The following SETD1B variants were observed in gnomAD, a reference collection of about 807,000 sequenced individuals.
SETD1B encodes the protein histone-lysine N-methyltransferase SETD1B.
SETD1B carries 7 observed loss-of-function variants against 148.0 expected under a neutral mutation model. That is an observed-to-expected ratio of 0.05 (90% CI 0.03 to 0.09). SETD1B has a LOEUF of 0.09. Among genes scored for constraint, SETD1B ranks in the 10% least tolerant of loss-of-function variants. SETD1B has a pLI of 1.00. For missense variants in SETD1B, 2,155 were observed against 2,729.9 expected, an observed-to-expected ratio of 0.79 and a Z score of 4.69; for synonymous variants, 1,361 against 1,186.5, an observed-to-expected ratio of 1.15 and a Z score of -3.02.
Position 121,810,608 on chromosome 12 carries a change from C to G in SETD1B, c.1663C>G (p.Arg555Gly). 6.5e-7 allele frequency: 1 copy of G among 1,548,352 alleles called. No homozygotes were observed. Among genetic ancestry groups the G allele is most frequent in the South Asian group, 1.2e-5 (1 of 84,006 alleles). Residue 555 changes from arginine to glycine, a missense_variant, in exon 6 of 17, where the codon CGG (arginine) becomes GGG (glycine). Transcript: ENST00000604567. This position sits in a 1 kb window ranked among gnomAD's most constrained non-coding sequence, Gnocchi z 7.6. Reference sequence around the variant, plus strand: ...TGGCACCAACTCCCAGCCAGGCTTCCGGGGCCCCACGCCCCCCTCGTCACG... The same window carrying G: ...TGGCACCAACTCCCAGCCAGGCTTCGGGGGCCCCACGCCCCCCTCGTCACG... ...PFGTNSQPGF[R>G]GPTPPSSRPS...
At position 121,831,935 on chromosome 12, in the gene SETD1B, G is replaced by A. The variant is rs1877116481; in HGVS notation, c.*1696G>A. On this transcript the variant is annotated 3_prime_UTR_variant, in exon 17 of 17. Coordinates refer to ENST00000604567, the MANE Select transcript of SETD1B (RefSeq NM_001353345.2). The stretch of plus-strand genomic sequence containing the variant: ...CCTTTCCCCCAGGCCCTCTCTATTT[G>A]AGACTGTGCCCGCCGGTTTCAAGAT... The A allele has an allele frequency of 6.6e-6, 1 of 151,226 alleles. No homozygotes were observed. Among genetic ancestry groups the A allele is most frequent in the South Asian group, 2.1e-4 (1 of 4,780 alleles). 9.4% of individuals were successfully genotyped at this position (151,226 alleles called of 1,614,324 possible).
chr12:121,813,017 C>T (rs1452489401), intron 6 of SETD1B, among the ~76,000 whole-genome samples: 1 of 152,116 alleles, frequency 6.6e-6, no homozygotes, highest in Non-Finnish European at 1.5e-5. Flanking sequence ...CCCTAAAGCC[C>T]CACGCCCATC....
intron 6 of SETD1B, among the ~76,000 whole-genome samples, chr12:121,812,585 A>T (rs2019562): frequency 0.75 from 113,097 of 151,796 alleles, 43,343 homozygotes; most frequent in East Asian, 0.95. Flanking sequence ...GGAGCGCAGG[A>T]TCTGCCTCCC....
the SETD1B span, chr12:121,793,611 G>C: frequency 1.3e-6 from 2 of 1,549,124 alleles, no homozygotes; most frequent in Non-Finnish European, 1.7e-6. Context: ...GGCGGTCTGG[G>C]CCAGGGCCCC....
chr12:121,793,749 A>T, the SETD1B span: 1 of 964,550 alleles, frequency 1.0e-6, no homozygotes, highest in South Asian at 2.1e-5. Flanking sequence ...CGCCTCCGCC[A>T]GGCAGCCTCC....
At position 121,805,000 on chromosome 12, in the gene SETD1B, C is replaced by G; in HGVS notation, c.174+89C>G. 1.4e-6 allele frequency: 2 copies of G among 1,457,900 alleles called. No individual in the cohort carries two copies. The highest frequency in any genetic ancestry group is 1.8e-6 in the Non-Finnish European group (2 of 1,085,518). 90.3% of individuals were successfully genotyped at this position (1,457,900 alleles called of 1,614,324 possible). ...GCCAGGGACCCCCCGCCCGATCCCC[C>G]GGCCAACTGTCAGACGGGGCCCCAG... On this transcript the variant is annotated intron_variant, in intron 2 of 16. Coordinates refer to ENST00000604567, the MANE Select transcript of SETD1B (RefSeq NM_001353345.2). This position sits in a 1 kb window ranked among gnomAD's most constrained non-coding sequence, Gnocchi z 4.6.
At chr12:121,793,560 AC>A in the SETD1B span, 1 of 1,551,160 alleles carries the variant, frequency 6.4e-7, no homozygotes, top group Non-Finnish European at 8.7e-7. Flanking sequence ...GCCGTCGCCC[AC>A]GATCACGATC....
chr12:121,829,609 T>A (rs1876998559), intron 16 of SETD1B, among the ~76,000 whole-genome samples: 1 of 152,240 alleles, frequency 6.6e-6, no homozygotes, highest in African/African-American at 2.4e-5. Context: ...TGTTTTTGGC[T>A]TGGTGGCTCA....
chr12:121,825,131 C>T (rs1038098268), intron 12 of SETD1B, 69 bp from the exon 13 acceptor site: 28 of 1,464,614 alleles, frequency 1.9e-5, no homozygotes, highest in African/African-American at 4.2e-5. Context: ...TGAGGATGGG[C>T]GGGACCAGTC....
rs868095435 is a variant in SETD1B, at chr12:121,817,375, G to A, written c.2983G>A (p.Glu995Lys). Reference sequence around the variant, plus strand: ...GACTCCCTCCCTTCCTGCAGAGTCCGAGCGAGAGCGAGACCGGGATATGGC... The same window carrying A: ...GACTCCCTCCCTTCCTGCAGAGTCCAAGCGAGAGCGAGACCGGGATATGGC... Reference protein sequence around the residue: ...TSVDEEDEESERERDRDMADT... With the variant: ...TSVDEEDEESKRERDRDMADT... The change falls in exon 9 of 17, where the codon GAG becomes AAG. Residue 995 changes from glutamate (E) to lysine (K), a missense_variant. By Grantham distance (56) the Glu-to-Lys change is moderately conservative. Around this residue, in one of 11 missense-constraint regions of SETD1B, gnomAD observed 289 missense variants for 423.7 expected, o/e 0.68. Coordinates refer to ENST00000604567, the MANE Select transcript of SETD1B (RefSeq NM_001353345.2). This position sits in a 1 kb window ranked among gnomAD's most constrained non-coding sequence, Gnocchi z 8.1. The A allele has an allele frequency of 1.7e-5, 26 of 1,525,188 alleles. No homozygotes were observed. The highest frequency in any genetic ancestry group is 3.4e-4 in the Middle Eastern group (2 of 5,892). 94.5% of individuals were successfully genotyped at this position (1,525,188 alleles called of 1,614,324 possible).
rs1417703543 is a variant in SETD1B at position 121,804,028 on chromosome 12, T to A, written c.-220T>A. 2.6e-5 allele frequency: 4 copies of A among 152,280 alleles called. No homozygotes were observed. Among genetic ancestry groups the A allele is most frequent in the Non-Finnish European group, 5.9e-5 (4 of 68,056 alleles). The allele number at this position is 152,280 out of a possible 1,614,324, so 9.4% of individuals were successfully genotyped here. The stretch of plus-strand genomic sequence containing the variant: ...AGCGGTGTATTGTGGGATGTGCGGC[T>A]ACTGGGAGCCGAGCCTCCGCCGCCA... On this transcript the variant is annotated 5_prime_UTR_variant, in exon 1 of 17. Transcript: ENST00000604567. The surrounding 1 kb of genome is among the most constrained non-coding windows in gnomAD (Gnocchi z 4.6).
chr12:121,798,953 C>G, the SETD1B span, among the ~76,000 whole-genome samples: 1 of 152,320 alleles, frequency 6.6e-6, no homozygotes, highest in East Asian at 1.9e-4. Context: ...TGCGTCAAAA[C>G]CCCAGGTGTT....
At chr12:121,793,428 G>A in the SETD1B span, 6 of 1,523,126 alleles carry the variant, frequency 3.9e-6, no homozygotes, top group Admixed American at 9.8e-5. Flanking sequence ...GGGGACTGAG[G>A]GTCGGGGCTC....
intron 16 of SETD1B, among the ~76,000 whole-genome samples, chr12:121,829,534 C>T (rs1876996140): frequency 6.6e-6 from 1 of 152,188 alleles, no homozygotes; most frequent in African/African-American, 2.4e-5. Flanking sequence ...CACTGGCAGA[C>T]AGCAGGTAGT....
chr12:121,806,367 C>A (rs567745915), intron 4 of SETD1B, among the ~76,000 whole-genome samples: 24 of 152,314 alleles, frequency 1.6e-4, no homozygotes, highest in African/African-American at 5.5e-4. Context: ...TTCCCCACCG[C>A]TGACACCCCC....
rs1026874659 is a variant in SETD1B at position 121,832,089 on chromosome 12, G to T, written c.*1850G>T. On this transcript the variant is annotated 3_prime_UTR_variant, in exon 17 of 17. Transcript: ENST00000604567. ...ATTTATTTTTCACATGAGGAAATGC[G>T]TAGCTTGTAGAGACGGCTGATTCAA... The T allele has an allele frequency of 6.6e-6, 1 of 152,130 alleles. No homozygotes were observed. Among genetic ancestry groups the T allele is most frequent in the African/African-American group, 2.4e-5 (1 of 41,408 alleles). 9.4% of individuals were successfully genotyped at this position (152,130 alleles called of 1,614,324 possible). A position where few individuals can be genotyped will look rare whatever the true frequency, so the allele number is the denominator to read the frequency against.
rs1875651672 is a variant in SETD1B, at chr12:121,804,950, C to T, written c.174+39C>T. 6.8e-7 allele frequency: 1 copy of T among 1,477,382 alleles called. No individual in the cohort carries two copies. The highest frequency in any genetic ancestry group is 9.0e-7 in the Non-Finnish European group (1 of 1,110,122). 91.5% of individuals were successfully genotyped at this position (1,477,382 alleles called of 1,614,324 possible). A position where few individuals can be genotyped will look rare whatever the true frequency, so the allele number is the denominator to read the frequency against. On this transcript the variant is annotated intron_variant, in intron 2 of 16. Transcript: ENST00000604567. This position sits in a 1 kb window ranked among gnomAD's most constrained non-coding sequence, Gnocchi z 4.6. ...GCGCCCCCCCAGCCGTGCCCCGCGT[C>T]GTGTCCGGGGAGACGCGCCTAGCGG...
Position 121,823,366 on chromosome 12 carries a change from C to G in SETD1B, c.4787C>G (p.Pro1596Arg). ...CCCCAGCCACCCCCACCCCCACCTCCCCCACCTGTAGAGCCCACCAAGCTG... is the reference window on the plus strand; with the variant it reads ...CCCCAGCCACCCCCACCCCCACCTCGCCCACCTGTAGAGCCCACCAAGCTG... ...LPPQPPPPPPPPPVEPTKLPF... is the reference protein window; with the variant it reads ...LPPQPPPPPPRPPVEPTKLPF... Residue 1596 changes from proline (P) to arginine (R), a missense_variant, in exon 12 of 17, where the codon CCC becomes CGC. This residue lies in a region of SETD1B where 862 missense variants were observed against 873.8 expected (regional missense o/e 0.99). Coordinates refer to ENST00000604567, the MANE Select transcript of SETD1B (RefSeq NM_001353345.2). 1.3e-6 allele frequency: 2 copies of G among 1,528,388 alleles called. No homozygotes were observed. The highest frequency in any genetic ancestry group is 1.8e-6 in the Non-Finnish European group (2 of 1,134,626). 94.7% of individuals were successfully genotyped at this position (1,528,388 alleles called of 1,614,324 possible). A position where few individuals can be genotyped will look rare whatever the true frequency, so the allele number is the denominator to read the frequency against.
Position 121,810,190 on chromosome 12 carries a change from C to A in SETD1B, c.1245C>A (p.Thr415=). ...TCCCTCCACCCCCGGAAGAGCCCAC[C>A]GCCACAGCCGCTTTTGGGGCCCGCG... ...AHFPPPPEEP[T]ATAAFGARDS... is the part of the protein sequence containing the mutation. Residue 415 remains threonine (T), a synonymous_variant, in exon 6 of 17, where the codon ACC becomes ACA. Transcript: ENST00000604567. The surrounding 1 kb of genome is among the most constrained non-coding windows in gnomAD (Gnocchi z 7.6). The A allele has an allele frequency of 6.5e-7, 1 of 1,549,718 alleles. No homozygotes were observed. The highest frequency in any genetic ancestry group is 8.7e-7 in the Non-Finnish European group (1 of 1,146,806).
Sources: allele counts gnomAD v4.1 joint callset (sites outside exome capture counted in the v4.1 genomes callset), GRCh38; gene constraint gnomAD v4.1.1; regional missense constraint gnomAD v4.1.1; non-coding constraint Gnocchi (gnomAD v3.1); transcripts MANE v1.5; gene names NCBI Gene and HGNC (gene_info 2026-07-23, HGNC 2026-07-21).